SLC41A2: variants seen among roughly 807,000 people sequenced by gnomAD.
The protein encoded by SLC41A2 is solute carrier family 41 member 2.
Under a neutral mutation model 58.3 loss-of-function variants are expected in SLC41A2, and 32 were observed. That is an observed-to-expected ratio of 0.55 (90% confidence interval 0.41 to 0.74). SLC41A2 has a LOEUF of 0.74. Ranked by LOEUF, SLC41A2 falls within the 30% of genes least tolerant of loss-of-function variation. The pLI is 0.00. For synonymous variants in SLC41A2, 190 were observed against 235.0 expected (o/e 0.81, Z 1.75); for missense variants, 514 against 680.6 (o/e 0.76, Z 2.72).
At chr12:104,871,556 C>T (rs150240660) in intron 6 of SLC41A2, among the ~76,000 whole-genome samples, 2 of 152,248 alleles carry the variant, frequency 1.3e-5, no homozygotes, top group African/African-American at 4.8e-5. Flanking sequence ...CCATGTGTTG[C>T]CATTTTTATT....
At chr12:104,817,948 A>G (rs892888995) in intron 10 of SLC41A2, among the ~76,000 whole-genome samples, 2 of 152,288 alleles carry the variant, frequency 1.3e-5, no homozygotes, top group South Asian at 2.1e-4. Context: ...GCACATGACT[A>G]CACTTGAAAA....
At chr12:104,903,663 C>T (rs922741075) in intron 3 of SLC41A2, among the ~76,000 whole-genome samples, 3 of 152,212 alleles carry the variant, frequency 2.0e-5, no homozygotes, top group Admixed American at 6.5e-5. Context: ...CTTTGCATTG[C>T]CTAGGGCATT....
chr12:104,882,171 T>C (rs1387406349), intron 6 of SLC41A2, among the ~76,000 whole-genome samples: 2 of 152,160 alleles, frequency 1.3e-5, no homozygotes, highest in African/African-American at 2.4e-5. Context: ...ATTTGCTTGA[T>C]AGATCTTCCT....
At chr12:104,900,374 TAC>T (rs975647802) in intron 3 of SLC41A2, among the ~76,000 whole-genome samples, 4 of 152,186 alleles carry the variant, frequency 2.6e-5, no homozygotes, top group Non-Finnish European at 5.9e-5. Context: ...CAAAACATTG[TAC>T]ACAAAACACA....
At chr12:104,869,764 T>A (rs968695740) in intron 6 of SLC41A2, among the ~76,000 whole-genome samples, 1 of 152,162 alleles carries the variant, frequency 6.6e-6, no homozygotes, top group African/African-American at 2.4e-5. Flanking sequence ...TAAAAAGAGA[T>A]GCTACAAACA....
chr12:104,938,373 C>T (rs927424759), intron 1 of SLC41A2, among the ~76,000 whole-genome samples: 2 of 152,164 alleles, frequency 1.3e-5, no homozygotes, highest in African/African-American at 4.8e-5. Context: ...GTTATTATTA[C>T]TCCCCGTTAT....
intron 8 of SLC41A2, among the ~76,000 whole-genome samples, chr12:104,853,957 A>G (rs746875198): frequency 9.1e-6 from 1 of 110,488 alleles, no homozygotes; most frequent in African/African-American, 3.9e-5. Context: ...CTGAGGTCTC[A>G]CTATGTTGCC....
At chr12:104,920,391 G>T (rs1217738534) in intron 2 of SLC41A2, among the ~76,000 whole-genome samples, 1 of 151,794 alleles carries the variant, frequency 6.6e-6, no homozygotes, top group Non-Finnish European at 1.5e-5. Flanking sequence ...AAGTAATGCA[G>T]AAATTTATCA....
intron 6 of SLC41A2, among the ~76,000 whole-genome samples, chr12:104,868,583 C>T (rs2043593250): frequency 6.6e-6 from 1 of 152,128 alleles, no homozygotes; most frequent in Non-Finnish European, 1.5e-5. Context: ...AGCAATTCTA[C>T]TCCTTCATGT....
At chr12:104,861,484 A>G (rs1198781123) in intron 7 of SLC41A2, 114 bp from the exon 8 acceptor site, 1 of 555,402 alleles carries the variant, frequency 1.8e-6, no homozygotes, top group Non-Finnish European at 3.0e-6. Flanking sequence ...ACATTTTAAA[A>G]ATAGAGCAAA....
rs943048909 is a variant in SLC41A2 at position 104,909,723 on chromosome 12, A to C, written c.595T>G (p.Leu199Val). The change falls in exon 3 of 11, where the codon TTA (leucine) becomes GTA (valine). Residue 199 changes from leucine (L) to valine (V), a missense_variant. Physicochemically the swap from Leu to Val is conservative, Grantham distance 32 (BLOSUM62 1). This residue lies in a region of SLC41A2 where 336 missense variants were observed against 430.0 expected (regional missense o/e 0.78). Transcript: ENST00000258538. ...TTGAGACCAAGAAGTGCAGGGACTA[A>C]AATGAAAACTTCTGTAACTTTTCTG... ...VFRKVTEVFILVPALLGLKGN... is the reference protein window; with the variant it reads ...VFRKVTEVFIVVPALLGLKGN... 1 of 1,610,748 alleles carries C rather than the reference A, an allele frequency of 6.2e-7. No homozygotes were observed. The highest frequency in any genetic ancestry group is 8.5e-7 in the Non-Finnish European group (1 of 1,179,106).
chr12:104,928,495 A>G lies in SLC41A2; in HGVS notation c.33T>C (p.Asp11=). The G allele has an allele frequency of 6.5e-7, 1 of 1,531,626 alleles. No homozygotes were observed. The highest frequency in any genetic ancestry group is 8.8e-7 in the Non-Finnish European group (1 of 1,138,128). The allele number at this position is 1,531,626 out of a possible 1,614,324, so 94.9% of individuals were successfully genotyped here. A position where few individuals can be genotyped will look rare whatever the true frequency, so the allele number is the denominator to read the frequency against. Residue 11 remains aspartate (D), a synonymous_variant, in exon 2 of 11, where the codon GAT becomes GAC. Transcript: ENST00000258538. The stretch of plus-strand genomic sequence containing the variant: ...CACTACTTGGACCACCACTTGTTTT[A>G]TCGGTAATAGATCTTCCTTTACTAT... MTNSKGRSIT[D]KTSGGPSSGG... is the part of the protein sequence containing the mutation.
chr12:104,866,180 A>C (rs746338427), intron 7 of SLC41A2, among the ~76,000 whole-genome samples: 2 of 152,172 alleles, frequency 1.3e-5, no homozygotes, highest in African/African-American at 4.8e-5. Context: ...AGAAGTTTGA[A>C]ATTGGTAGCC....
At chr12:104,930,867 A>C (rs2047023397) in intron 1 of SLC41A2, among the ~76,000 whole-genome samples, 1 of 152,258 alleles carries the variant, frequency 6.6e-6, no homozygotes, top group Admixed American at 6.5e-5. Flanking sequence ...GAACGTGGCT[A>C]AGCACATAGT....
intron 3 of SLC41A2, among the ~76,000 whole-genome samples, chr12:104,899,737 A>ATG (rs2045469404): frequency 6.6e-6 from 1 of 152,158 alleles, no homozygotes; most frequent in South Asian, 2.1e-4. Context: ...CTGTCATCTG[A>ATG]TAATCCAAGC....
intron 1 of SLC41A2, among the ~76,000 whole-genome samples, chr12:104,934,831 T>A (rs7976255): frequency 0.012 from 1,891 of 152,282 alleles, 52 homozygotes; most frequent in African/African-American, 0.044. Flanking sequence ...GTTGATCTCT[T>A]AGAAACAGAG....
intron 1 of SLC41A2, among the ~76,000 whole-genome samples, chr12:104,946,641 C>T (rs761265951): frequency 1.2e-4 from 18 of 152,112 alleles, no homozygotes; most frequent in Non-Finnish European, 2.1e-4. Flanking sequence ...GGAATCTTTA[C>T]GGCAAGTACT....
chr12:104,958,315 C>T (rs1184762560), upstream of SLC41A2: 1 of 148,932 alleles, frequency 6.7e-6, no homozygotes, highest in Non-Finnish European at 1.5e-5. Context: ...CGCCCGCGGC[C>T]CCCTGACTCC....
rs568947291 is a variant in SLC41A2, at chr12:104,948,168, C to T, written c.-168+9920G>A. 5.3e-5 allele frequency among the ~76,000 whole-genome samples: 8 copies of T among 152,240 alleles called. No homozygotes were observed. The East Asian group carries it at 1.5e-3, about 29-fold the overall frequency. On this transcript the variant is annotated intron_variant, in intron 1 of 10. Coordinates refer to ENST00000258538, the MANE Select transcript of SLC41A2 (RefSeq NM_001352171.3). Reference sequence around the variant, plus strand: ...TAGGGATCCCTAAAAATTTTGCTTTCTTTGTCATATTTATAACAGTAGCCT... The same window carrying T: ...TAGGGATCCCTAAAAATTTTGCTTTTTTTGTCATATTTATAACAGTAGCCT...
Sources: allele counts gnomAD v4.1 joint callset (sites outside exome capture counted in the v4.1 genomes callset), GRCh38; gene constraint gnomAD v4.1.1; regional missense constraint gnomAD v4.1.1; transcripts MANE v1.5; gene names NCBI Gene and HGNC (gene_info 2026-07-23, HGNC 2026-07-21).